Variants in FRYL observed in about 807,000 individuals in gnomAD.
FRYL encodes the protein protein furry homolog-like.
Under a neutral mutation model 351.2 loss-of-function variants are expected in FRYL, and 150 were observed. The observed-to-expected ratio is 0.43, with a 90% CI of 0.37 to 0.49. FRYL has a LOEUF of 0.49. Among genes scored for constraint, FRYL ranks in the 20% least tolerant of loss-of-function variants. FRYL has a pLI of 0.00. For synonymous variants in FRYL, 1,153 were observed against 1,257.1 expected (o/e 0.92, Z 1.75); for missense variants, 3,036 against 3,619.3 (o/e 0.84, Z 4.13).
intron 4 of FRYL, among the ~76,000 whole-genome samples, chr4:48,626,931 A>G (rs1010629715): frequency 2.0e-5 from 3 of 152,126 alleles, no homozygotes; most frequent in African/African-American, 7.2e-5. Context: ...TTTCTTAATA[A>G]GGTGAGATTT....
intron 13 of FRYL, among the ~76,000 whole-genome samples, chr4:48,599,753 T>A (rs1336648471): frequency 2.6e-5 from 4 of 152,082 alleles, no homozygotes; most frequent in African/African-American, 9.7e-5. Context: ...AAAAATCAAA[T>A]GAGATTCTGT....
At chr4:48,712,441 T>C (rs1413331086) in intron 1 of FRYL, among the ~76,000 whole-genome samples, 2 of 152,326 alleles carry the variant, frequency 1.3e-5, no homozygotes, top group African/African-American at 2.4e-5. Flanking sequence ...CAAGAGCCGA[T>C]GCGATCAACT....
rs1214119113 is a variant in FRYL at position 48,603,138 on chromosome 4, A to G, written c.933+152T>C. 24 of 637,014 alleles carry G rather than the reference A, an allele frequency of 3.8e-5. No homozygotes were observed. The East Asian group carries it at 6.5e-4, about 17-fold the overall frequency. The allele number at this position is 637,014 out of a possible 1,614,324, so 39.5% of individuals were successfully genotyped here. On this transcript the variant is annotated intron_variant, in intron 12 of 63. Coordinates refer to ENST00000358350, the MANE Select transcript of FRYL (RefSeq NM_015030.2). ...ACAGAACATTTAAATAGAGCCACGCAAAACATACGTATGTAAAACTTGCCC... is the reference window on the plus strand; with the variant it reads ...ACAGAACATTTAAATAGAGCCACGCGAAACATACGTATGTAAAACTTGCCC...
chr4:48,594,013 G>T lies in FRYL; in HGVS notation c.1252C>A (p.Arg418Ser). 2.1e-6 allele frequency: 3 copies of T among 1,450,082 alleles called. No individual in the cohort carries two copies. Among genetic ancestry groups the T allele is most frequent in the East Asian group, 2.7e-5 (1 of 37,158 alleles). The allele number at this position is 1,450,082 out of a possible 1,614,324, so 89.8% of individuals were successfully genotyped here. The change falls in exon 16 of 64, where the codon CGC becomes AGC. Residue 418 changes from arginine to serine, a missense_variant. Coordinates refer to ENST00000358350, the MANE Select transcript of FRYL (RefSeq NM_015030.2). ...VKIIQFIAQE[R>S]LDFAMKEIIF... Reference sequence around the variant, plus strand: ...ATTTCTTTCATTGCAAAATCCAAGCGTTCCTTAAAAAAAAAAAAATCCTTA... The same window carrying T: ...ATTTCTTTCATTGCAAAATCCAAGCTTTCCTTAAAAAAAAAAAAATCCTTA...
chr4:48,676,986 C>T lies in FRYL; in HGVS notation c.-81+7687G>A, dbSNP rs148052002. 1.5e-4 allele frequency among the ~76,000 whole-genome samples: 23 copies of T among 152,318 alleles called. No individual in the cohort carries two copies. In the East Asian group the frequency reaches 4.1e-3, roughly 27 times the overall value. On this transcript the variant is annotated intron_variant, in intron 3 of 63. Coordinates refer to ENST00000358350, the MANE Select transcript of FRYL (RefSeq NM_015030.2). ...TAACCAATTCTTGTTAAGCCCACAA[C>T]TTAGCCTGTTAGGAGCAGAAATGGT...
chr4:48,524,934 G>A (rs1380045827), intron 53 of FRYL, among the ~76,000 whole-genome samples: 4 of 151,916 alleles, frequency 2.6e-5, no homozygotes, highest in Admixed American at 2.6e-4. Flanking sequence ...CTGGCCTTGG[G>A]TAGGGCAGCA....
intron 1 of FRYL, among the ~76,000 whole-genome samples, chr4:48,763,514 T>C (rs955219689): frequency 2.0e-5 from 3 of 152,146 alleles, no homozygotes; most frequent in African/African-American, 4.8e-5. Flanking sequence ...TCCTAATACT[T>C]AATCATTCAA....
chr4:48,499,231 G>T lies in FRYL; in HGVS notation c.*191C>A. 1.8e-6 allele frequency: 1 copy of T among 563,414 alleles called. No individual in the cohort carries two copies. The highest frequency in any genetic ancestry group is 3.1e-6 in the Non-Finnish European group (1 of 318,432). 34.9% of individuals were successfully genotyped at this position (563,414 alleles called of 1,614,324 possible). A position where few individuals can be genotyped will look rare whatever the true frequency, so the allele number is the denominator to read the frequency against. The stretch of plus-strand genomic sequence containing the variant: ...TCACGCAGTTATTGTGGGAGATATT[G>T]GCAGCTGTTAAAATATCAGATGTTT... On this transcript the variant is annotated 3_prime_UTR_variant, in exon 64 of 64. Transcript: ENST00000358350.
chr4:48,667,865 C>G (rs1353579586), intron 3 of FRYL, among the ~76,000 whole-genome samples: 1 of 152,202 alleles, frequency 6.6e-6, no homozygotes, highest in Non-Finnish European at 1.5e-5. Context: ...CCATGCTGGT[C>G]TCAAACTCCT....
At chr4:48,609,468 A>T (rs1443033256) in intron 8 of FRYL, among the ~76,000 whole-genome samples, 1 of 152,118 alleles carries the variant, frequency 6.6e-6, no homozygotes, top group Non-Finnish European at 1.5e-5. Context: ...AAAAAAATAC[A>T]AAAATTAGCT....
chr4:48,589,157 T>C (rs1371260488), intron 18 of FRYL, among the ~76,000 whole-genome samples: 3 of 152,182 alleles, frequency 2.0e-5, no homozygotes, highest in African/African-American at 7.2e-5. Context: ...TATGTAGATG[T>C]TTTCTAGCAA....
At position 48,681,983 on chromosome 4, in the gene FRYL, T is replaced by C. The variant is rs920694860; in HGVS notation, c.-81+2690A>G. ...ATAAAGGAATACCTACAAAAGACTT[T>C]GAAAACTGAAAGTTCTCTCCCTTCC... is the stretch of plus-strand genomic sequence containing the variant. On this transcript the variant is annotated intron_variant, in intron 3 of 63. Transcript: ENST00000358350. 8.5e-5 allele frequency among the ~76,000 whole-genome samples: 13 copies of C among 152,310 alleles called. No individual in the cohort carries two copies. In the South Asian group the frequency reaches 1.2e-3, roughly 15 times the overall value.
At chr4:48,528,440 AAGAT>A (rs1726765075) in intron 50 of FRYL, 104 bp from the exon 51 acceptor site, 3 of 778,036 alleles carry the variant, frequency 3.9e-6, no homozygotes, top group South Asian at 3.6e-5. Context: ...AATAAAAAAA[AAGAT>A]GAGGAGAGAA....
chr4:48,639,784 A>C (rs1420053986), intron 3 of FRYL, among the ~76,000 whole-genome samples: 1 of 152,158 alleles, frequency 6.6e-6, no homozygotes, highest in Non-Finnish European at 1.5e-5. Context: ...TGGTATACAA[A>C]ATACATAAAG....
rs372532009 is a variant in FRYL, at chr4:48,541,036, C to T, written c.5688-76G>A. On this transcript the variant is annotated intron_variant, in intron 45 of 63. Coordinates refer to ENST00000358350, the MANE Select transcript of FRYL (RefSeq NM_015030.2). The stretch of plus-strand genomic sequence containing the variant: ...TAAATTAATTTTACTTCTGAAAACA[C>T]TGAAAAATAGTAACTGGTACCAGAA... The T allele has an allele frequency of 2.3e-5, 31 of 1,361,680 alleles. No homozygotes were observed. The East Asian group carries it at 2.6e-4, about 12-fold the overall frequency. 84.3% of individuals were successfully genotyped at this position (1,361,680 alleles called of 1,614,324 possible).
chr4:48,605,937 C>G, intron 10 of FRYL, 104 bp from the exon 11 acceptor site: 1 of 724,480 alleles, frequency 1.4e-6, no homozygotes, highest in Non-Finnish European at 2.3e-6. Context: ...TACCAAAAAA[C>G]TAAGGTCAAT....
chr4:48,702,729 C>G (rs1281990907), intron 2 of FRYL, among the ~76,000 whole-genome samples: 1 of 145,636 alleles, frequency 6.9e-6, no homozygotes, highest in African/African-American at 2.5e-5. Context: ...CCACTGCACT[C>G]CAGCCTGGGC....
Position 48,540,653 on chromosome 4 carries a change from A to C in FRYL, c.5995T>G (p.Leu1999Val). 1 of 1,614,038 alleles carries C rather than the reference A, an allele frequency of 6.2e-7. No homozygotes were observed. The highest frequency in any genetic ancestry group is 8.5e-7 in the Non-Finnish European group (1 of 1,179,946). The change falls in exon 46 of 64, where the codon TTG (leucine) becomes GTG (valine). Residue 1999 changes from leucine (L) to valine (V), a missense_variant. Transcript: ENST00000358350. ...DVQSTTEPTN[L>V]MATIFWIAAS... ...GCTATCCAAAAAATGGTGGCCATCA[A>C]GTTGGTAGGCTCAGTAGTGGACTGC...
At chr4:48,772,403 C>A (rs541070991) in intron 1 of FRYL, among the ~76,000 whole-genome samples, 1 of 151,924 alleles carries the variant, frequency 6.6e-6, no homozygotes, top group African/African-American at 2.4e-5. Flanking sequence ...TAAATAAATA[C>A]CTTTCTAAAC....
Sources: gnomAD v4.1 joint callset for allele counts (sites outside exome capture counted in the v4.1 genomes callset) on GRCh38, gnomAD v4.1.1 for gene constraint, MANE v1.5 for transcripts, NCBI Gene and HGNC (gene_info 2026-07-23, HGNC 2026-07-21) for gene names.